DSCAM: variants seen among roughly 807,000 people sequenced by gnomAD.
DSCAM encodes the protein DS cell adhesion molecule, also known as cell adhesion molecule DSCAM.
Under a neutral mutation model 217.7 loss-of-function variants are expected in DSCAM, and 47 were observed. That is an observed-to-expected ratio of 0.22 (90% CI 0.17 to 0.28). The LOEUF (loss-of-function observed/expected upper bound fraction) is 0.28. Among genes scored for constraint, DSCAM ranks in the 10% least tolerant of loss-of-function variants. DSCAM has a pLI of 1.00. For missense variants in DSCAM, 2,080 were observed against 2,618.3 expected, an observed-to-expected ratio of 0.79 and a Z score of 4.49; for synonymous variants, 1,056 against 1,015.3, an observed-to-expected ratio of 1.04 and a Z score of -0.76.
intron 1 of DSCAM, among the ~76,000 whole-genome samples, chr21:40,809,876 G>T (rs778831124): frequency 6.6e-6 from 1 of 152,202 alleles, no homozygotes; most frequent in African/African-American, 2.4e-5. Context: ...GGAAAAGGGC[G>T]ATGACGTGGC....
intron 11 of DSCAM, among the ~76,000 whole-genome samples, chr21:40,192,823 C>G (rs1380571637): frequency 1.3e-5 from 2 of 152,166 alleles, no homozygotes; most frequent in African/African-American, 4.8e-5. Flanking sequence ...CACTCACCCA[C>G]TGATGCACAC....
intron 2 of DSCAM, among the ~76,000 whole-genome samples, chr21:40,699,669 T>C (rs1196380668): frequency 6.6e-6 from 1 of 152,208 alleles, no homozygotes; most frequent in African/African-American, 2.4e-5. Context: ...AACATTGCCT[T>C]AAGCGAAAGC....
intron 15 of DSCAM, among the ~76,000 whole-genome samples, chr21:40,177,726 A>G (rs909313628): frequency 2.6e-5 from 4 of 152,246 alleles, no homozygotes; most frequent in African/African-American, 9.6e-5. Context: ...GAGATTTGTT[A>G]AACACATAGT....
At chr21:40,285,063 T>A (rs1038608875) in intron 10 of DSCAM, among the ~76,000 whole-genome samples, 11 of 152,226 alleles carry the variant, frequency 7.2e-5, no homozygotes, top group African/African-American at 1.4e-4. Flanking sequence ...CCTTTTTTTT[T>A]AAATCAGCCA....
chr21:40,596,384 G>T (rs911499174), intron 3 of DSCAM, among the ~76,000 whole-genome samples: 2 of 152,108 alleles, frequency 1.3e-5, no homozygotes, highest in African/African-American at 4.8e-5. Context: ...ATTCATTGAC[G>T]GGTGGGAGTT....
Position 40,411,101 on chromosome 21 carries a change from G to A in DSCAM, c.509-41856C>T, listed in dbSNP as rs534468490. Among the ~76,000 whole-genome samples the A allele has an allele frequency of 4.0e-5, 6 of 151,380 alleles. No homozygotes were observed. In the East Asian group the frequency reaches 1.2e-3, roughly 29 times the overall value. Reference sequence around the variant, plus strand: ...TAGCAAGTCTAGCAGGGGAGTATTGGAAATACACTGTAATAAGATTCAACA... The same window carrying A: ...TAGCAAGTCTAGCAGGGGAGTATTGAAAATACACTGTAATAAGATTCAACA... On this transcript the variant is annotated intron_variant, in intron 3 of 32. Transcript: ENST00000400454.
intron 32 of DSCAM, among the ~76,000 whole-genome samples, chr21:40,035,835 C>G (rs2088610809): frequency 6.9e-6 from 1 of 144,958 alleles, no homozygotes; most frequent in East Asian, 2.0e-4. Context: ...ACAGTGCAAT[C>G]AAACTAGAAC....
intron 3 of DSCAM, among the ~76,000 whole-genome samples, chr21:40,611,839 A>AAAAC (rs2089319830): frequency 7.1e-6 from 1 of 140,488 alleles, no homozygotes; most frequent in African/African-American, 2.6e-5. Context: ...TCTGGATGCT[A>AAAAC]AGACAGGGAA....
chr21:40,031,946 C>T (rs1354185037), intron 32 of DSCAM, among the ~76,000 whole-genome samples: 1 of 152,160 alleles, frequency 6.6e-6, no homozygotes, highest in African/African-American at 2.4e-5. Flanking sequence ...TGCCTTGACC[C>T]CTGGTCTCCA....
chr21:40,699,451 G>C (rs2090631468), intron 2 of DSCAM, among the ~76,000 whole-genome samples: 1 of 152,204 alleles, frequency 6.6e-6, no homozygotes, highest in Non-Finnish European at 1.5e-5. Flanking sequence ...ATTAAACTTA[G>C]TGATGAAGGC....
chr21:40,619,682 A>C (rs1210019661), intron 3 of DSCAM, among the ~76,000 whole-genome samples: 1 of 152,188 alleles, frequency 6.6e-6, no homozygotes, highest in African/African-American at 2.4e-5. Context: ...TTGTTTCGCC[A>C]TTGCATCCAC....
intron 1 of DSCAM, among the ~76,000 whole-genome samples, chr21:40,767,250 T>C (rs1282436024): frequency 2.0e-5 from 3 of 152,140 alleles, no homozygotes; most frequent in African/African-American, 7.2e-5. Context: ...CAGGGTTGCC[T>C]TCTTCAGGTA....
At chr21:40,110,278 C>A (rs2089878933) in intron 20 of DSCAM, among the ~76,000 whole-genome samples, 1 of 152,166 alleles carries the variant, frequency 6.6e-6, no homozygotes, top group Non-Finnish European at 1.5e-5. Flanking sequence ...TGTTCTGCAG[C>A]CTCCGCTGCT....
chr21:40,446,313 C>T (rs557086853), intron 3 of DSCAM, among the ~76,000 whole-genome samples: 8 of 152,216 alleles, frequency 5.3e-5, no homozygotes, highest in African/African-American at 1.9e-4. Flanking sequence ...ACTTTGTCAT[C>T]AATCAAGGCA....
At chr21:40,318,771 C>T (rs781553272) in intron 8 of DSCAM, among the ~76,000 whole-genome samples, 2 of 152,122 alleles carry the variant, frequency 1.3e-5, no homozygotes, top group Non-Finnish European at 2.9e-5. Flanking sequence ...CTAAAAGAAA[C>T]CAGAGGCTGC....
At position 40,362,221 on chromosome 21, in the gene DSCAM, C is replaced by T. The variant is rs1055353595; in HGVS notation, c.655+6878G>A. Among the ~76,000 whole-genome samples, 13 of 151,820 alleles carry T rather than the reference C, an allele frequency of 8.6e-5. 1 individual carries two copies. The East Asian group carries it at 9.7e-4, about 11-fold the overall frequency. On this transcript the variant is annotated intron_variant, in intron 4 of 32. Transcript: ENST00000400454. Reference sequence around the variant, plus strand: ...AAGTCTTTGCTATTGTGAATAGTGCCGCAATAAACATACGTGTGCATGTGT... The same window carrying T: ...AAGTCTTTGCTATTGTGAATAGTGCTGCAATAAACATACGTGTGCATGTGT...
intron 3 of DSCAM, among the ~76,000 whole-genome samples, chr21:40,596,518 A>G (rs1321350916): frequency 6.6e-6 from 1 of 152,252 alleles, no homozygotes; most frequent in African/African-American, 2.4e-5. Flanking sequence ...GTTCCACAGC[A>G]CAAAGAACCA....
chr21:40,068,006 A>T (rs1298073026), intron 27 of DSCAM, among the ~76,000 whole-genome samples: 3 of 151,962 alleles, frequency 2.0e-5, no homozygotes, highest in African/African-American at 7.3e-5. Flanking sequence ...CCTGAGATTC[A>T]GACTTCGCGA....
chr21:40,523,789 A>T (rs1458116751), intron 3 of DSCAM, among the ~76,000 whole-genome samples: 1 of 152,124 alleles, frequency 6.6e-6, no homozygotes, highest in East Asian at 1.9e-4. Flanking sequence ...TAGAGCACAC[A>T]GTAACACACA....
Sources: allele counts gnomAD v4.1 joint callset (sites outside exome capture counted in the v4.1 genomes callset), GRCh38; gene constraint gnomAD v4.1.1; transcripts MANE v1.5; gene names NCBI Gene and HGNC (gene_info 2026-07-23, HGNC 2026-07-21).